The following TBL1X variants were observed in gnomAD, a reference collection of about 807,000 sequenced individuals.
TBL1X encodes F-box-like/WD repeat-containing protein TBL1X.
Under a neutral mutation model 50.7 loss-of-function variants are expected in TBL1X, and 10 were observed. That is an observed-to-expected ratio of 0.20 (90% CI 0.12 to 0.33). TBL1X has a LOEUF of 0.33. TBL1X is among the 10% of genes least tolerant of loss of function. The pLI is 1.00. For missense variants in TBL1X, 340 were observed against 504.4 expected (o/e 0.67, Z 3.12); for synonymous variants, 190 against 214.7 (o/e 0.88, Z 1.01).
chrX:9,481,635 T>C lies in TBL1X; in HGVS notation c.-201+16188T>C, dbSNP rs376948604. On this transcript the variant is annotated intron_variant, in intron 1 of 17. Coordinates refer to ENST00000645353, the MANE Select transcript of TBL1X (RefSeq NM_005647.4). ...GACTTACAGAGCCAATAAAAGCCCC[T>C]TGGGTAAGCTGGCCTCATACCTTGT... 2.1e-4 allele frequency among the ~76,000 whole-genome samples: 23 copies of C among 112,185 alleles called. No individual in the cohort carries two copies. In the East Asian group the frequency reaches 5.6e-3, roughly 27 times the overall value.
At chrX:9,677,576 C>G (rs2083001927) in intron 5 of TBL1X, among the ~76,000 whole-genome samples, 1 of 110,937 alleles carries the variant, frequency 9.0e-6, no homozygotes, top group Non-Finnish European at 1.9e-5. Context: ...CACCCCTTTA[C>G]TCCCCGACTA....
chrX:9,709,268 A>G lies in TBL1X; in HGVS notation c.1257A>G (p.Lys419=). Residue 419 remains lysine (K), a synonymous_variant, in exon 14 of 18, where the codon AAA becomes AAG. Transcript: ENST00000645353. ...QGHTNEVNAI[K]WDPSGMLLAS... ...TTCAGAACGAGGTCAACGCCATCAA[A>G]TGGGATCCGTCTGGAATGTTGCTGG... The G allele has an allele frequency of 1.7e-6, 2 of 1,211,555 alleles. No individual in the cohort carries two copies. Among genetic ancestry groups the G allele is most frequent in the Non-Finnish European group, 1.1e-6 (1 of 895,421 alleles).
intron 2 of TBL1X, among the ~76,000 whole-genome samples, chrX:9,509,947 T>A (rs2082047422): frequency 9.0e-6 from 1 of 111,608 alleles, no homozygotes; most frequent in Non-Finnish European, 1.9e-5. Context: ...ACTTGTGTTA[T>A]TAATGATATG....
chrX:9,500,111 C>T (rs1303897283), intron 1 of TBL1X, among the ~76,000 whole-genome samples: 1 of 107,377 alleles, frequency 9.3e-6, no homozygotes, highest in Admixed American at 1.0e-4. Context: ...ATAACAAGAC[C>T]CCATCTCTTT....
At chrX:9,575,935 A>G (rs981111322) in intron 2 of TBL1X, among the ~76,000 whole-genome samples, 1 of 111,883 alleles carries the variant, frequency 8.9e-6, no homozygotes, top group African/African-American at 3.3e-5. Context: ...GACATATTTT[A>G]CCTTTAAATG....
At chrX:9,595,188 G>A (rs964383476) in intron 2 of TBL1X, among the ~76,000 whole-genome samples, 3 of 111,900 alleles carry the variant, frequency 2.7e-5, no homozygotes, top group African/African-American at 6.5e-5. Context: ...CCCAGAACCT[G>A]TGAGGGGGTC....
At chrX:9,556,372 T>C (rs1438783150) in intron 2 of TBL1X, among the ~76,000 whole-genome samples, 1 of 109,790 alleles carries the variant, frequency 9.1e-6, no homozygotes. Flanking sequence ...TCTTAACAGT[T>C]CTGGGCTGGG....
At chrX:9,555,647 TTCACATTC>T (rs1352440237) in intron 2 of TBL1X, among the ~76,000 whole-genome samples, 1 of 111,679 alleles carries the variant, frequency 9.0e-6, no homozygotes, top group Non-Finnish European at 1.9e-5. Context: ...GCTGCAGCAT[TTCACATTC>T]CCACCCAAAT....
intron 9 of TBL1X, among the ~76,000 whole-genome samples, chrX:9,692,612 C>T (rs1037595948): frequency 8.9e-6 from 1 of 112,208 alleles, no homozygotes; most frequent in Non-Finnish European, 1.9e-5. Flanking sequence ...TTCACCATGT[C>T]GGCCAGGCTG....
At chrX:9,564,687 C>T (rs377359246) in intron 2 of TBL1X, among the ~76,000 whole-genome samples, 1 of 106,625 alleles carries the variant, frequency 9.4e-6, no homozygotes, top group Non-Finnish European at 1.9e-5. Flanking sequence ...GAGCCAAGAT[C>T]GCGCCACTGC....
At chrX:9,553,793 A>G (rs1024373713) in intron 2 of TBL1X, among the ~76,000 whole-genome samples, 3 of 112,504 alleles carry the variant, frequency 2.7e-5, no homozygotes, top group Non-Finnish European at 5.6e-5. Context: ...TTATGTTTTT[A>G]TAATAATGGT....
chrX:9,651,830 G>T (rs764267053), intron 3 of TBL1X, among the ~76,000 whole-genome samples: 1 of 112,512 alleles, frequency 8.9e-6, no homozygotes, highest in African/African-American at 3.2e-5. Context: ...GAATGGCAGT[G>T]TTCTGGCAAC....
At chrX:9,601,913 A>G (rs891975321) in intron 2 of TBL1X, among the ~76,000 whole-genome samples, 1 of 111,292 alleles carries the variant, frequency 9.0e-6, no homozygotes, top group African/African-American at 3.3e-5. Flanking sequence ...GCATGGTGGC[A>G]CACATCTGGA....
chrX:9,560,381 C>T (rs1029760214), intron 2 of TBL1X: 11 of 112,431 alleles, frequency 9.8e-5, no homozygotes, highest in African/African-American at 3.6e-4. Context: ...TCTGGCGCAG[C>T]ATCTGTGCTG....
chrX:9,680,177 A>G (rs953010577), intron 5 of TBL1X, among the ~76,000 whole-genome samples: 2 of 110,664 alleles, frequency 1.8e-5, no homozygotes, highest in Non-Finnish European at 3.8e-5. Flanking sequence ...TGAAGGCCCC[A>G]CCCCTTAATA....
rs972601311 is a variant in TBL1X at position 9,534,496 on chromosome X, G to T, written c.-131+32647G>T. 5.4e-5 allele frequency among the ~76,000 whole-genome samples: 6 copies of T among 110,130 alleles called. No individual in the cohort carries two copies. In the Admixed American group the frequency reaches 5.8e-4, roughly 11 times the overall value. The stretch of plus-strand genomic sequence containing the variant: ...ATTGTGGACTTTTTTTTAAAAAAAG[G>T]TTTATAGAGATATGATTCACATACC... On this transcript the variant is annotated intron_variant, in intron 2 of 17. Transcript: ENST00000645353.
chrX:9,650,928 G>A (rs1429615868), intron 3 of TBL1X, among the ~76,000 whole-genome samples: 1 of 103,736 alleles, frequency 9.6e-6, no homozygotes, highest in South Asian at 4.2e-4. Flanking sequence ...CTTATCTACC[G>A]TCTTTCACAA....
chrX:9,507,803 C>T (rs2082033751), intron 2 of TBL1X, among the ~76,000 whole-genome samples: 1 of 112,041 alleles, frequency 8.9e-6, no homozygotes, highest in African/African-American at 3.2e-5. Context: ...CTGTAACCAT[C>T]TGATCTTCGA....
chrX:9,556,588 A>G (rs1207869919), intron 2 of TBL1X, among the ~76,000 whole-genome samples: 1 of 110,006 alleles, frequency 9.1e-6, no homozygotes, highest in Non-Finnish European at 1.9e-5. Flanking sequence ...CAGGAGGTCA[A>G]GACTGCAGTG....
Sources: allele counts gnomAD v4.1 joint callset (sites outside exome capture counted in the v4.1 genomes callset), GRCh38; gene constraint gnomAD v4.1.1; transcripts MANE v1.5; gene names NCBI Gene and HGNC (gene_info 2026-07-23, HGNC 2026-07-21).